The following NEK7 variants were observed in gnomAD, a reference collection of about 807,000 sequenced individuals.
NEK7 encodes serine/threonine-protein kinase Nek7.
In NEK7, 18 loss-of-function variants were observed where a neutral mutation model predicts 44.6. The ratio of observed to expected loss-of-function variants is 0.40; its 90% CI spans 0.28 to 0.60. The LOEUF is 0.60. Ranked by LOEUF, NEK7 falls within the 20% of genes least tolerant of loss-of-function variation. The pLI, the probability that NEK7 is intolerant of heterozygous loss-of-function variation, is 0.38. For missense variants in NEK7, 256 were observed against 366.5 expected, an observed-to-expected ratio of 0.70 and a Z score of 2.46; for synonymous variants, 130 against 121.1, an observed-to-expected ratio of 1.07 and a Z score of -0.48.
At chr1:198,263,524 A>G (rs73080757) in intron 4 of NEK7, among the ~76,000 whole-genome samples, 3,544 of 152,048 alleles carry the variant, frequency 0.023, 59 homozygotes, top group African/African-American at 0.048. Flanking sequence ...AGATTGAACA[A>G]AAGGATTGCA....
chr1:198,225,754 C>G (rs1666202910), intron 1 of NEK7, among the ~76,000 whole-genome samples: 1 of 152,060 alleles, frequency 6.6e-6, no homozygotes, highest in Non-Finnish European at 1.5e-5. Flanking sequence ...GTGTTCTTTC[C>G]TCTTCTCAGA....
chr1:198,271,920 T>TAC (rs569767811), intron 5 of NEK7, among the ~76,000 whole-genome samples: 14,369 of 145,012 alleles, frequency 0.099, 1,062 homozygotes, highest in African/African-American at 0.2. Context: ...TATATATATA[T>TAC]ATATACACAC....
intron 1 of NEK7, among the ~76,000 whole-genome samples, chr1:198,205,434 CA>C (rs1270233865): frequency 6.6e-6 from 1 of 152,068 alleles, no homozygotes; most frequent in Non-Finnish European, 1.5e-5. Flanking sequence ...TAATCATAAT[CA>C]GGGGTGGAGG....
Position 198,278,955 on chromosome 1 carries a change from TATAAAACCAGC to T in NEK7, c.484_494del (p.Ile162Ter). The T allele has an allele frequency of 1.3e-6, 2 of 1,571,656 alleles. No homozygotes were observed. Among genetic ancestry groups the T allele is most frequent in the Non-Finnish European group, 1.7e-6 (2 of 1,144,032 alleles). On this transcript the variant is annotated frameshift_variant and splice_region_variant, in exon 7 of 10. Transcript: ENST00000367385. LOFTEE classifies it high-confidence loss of function. ...CCTGATCCCTTCATTTATTCACAGA[TATAAAACCAGC>T]TAATGTGTTCATTACAGCCACTGGG...
At chr1:198,164,472 C>T (rs942592775) in intron 1 of NEK7, among the ~76,000 whole-genome samples, 2 of 152,164 alleles carry the variant, frequency 1.3e-5, no homozygotes, top group African/African-American at 4.8e-5. Context: ...ATTGCAGGTT[C>T]TAGTCTAGAC....
chr1:198,164,555 T>C (rs1402308225), intron 1 of NEK7, among the ~76,000 whole-genome samples: 1 of 152,182 alleles, frequency 6.6e-6, no homozygotes, highest in African/African-American at 2.4e-5. Flanking sequence ...ATATGGGAGT[T>C]AGAGTTACAC....
chr1:198,303,909 TTAACAG>T (rs1306594702), intron 9 of NEK7, among the ~76,000 whole-genome samples: 1 of 152,130 alleles, frequency 6.6e-6, no homozygotes. Flanking sequence ...TTTATTAAAA[TTAACAG>T]TATTATCTCA....
chr1:198,291,559 A>G (rs556278337), intron 7 of NEK7, among the ~76,000 whole-genome samples: 26 of 152,216 alleles, frequency 1.7e-4, no homozygotes, highest in Admixed American at 1.4e-3. Flanking sequence ...TAAATAATTT[A>G]TGTCTTAAAG....
chr1:198,263,888 T>G (rs1028073624), intron 4 of NEK7, among the ~76,000 whole-genome samples: 3 of 152,000 alleles, frequency 2.0e-5, no homozygotes, highest in Non-Finnish European at 4.4e-5. Context: ...AATTAAGATT[T>G]AAACGTAAAA....
chr1:198,251,938 G>A (rs548186278), intron 2 of NEK7, among the ~76,000 whole-genome samples: 1 of 152,164 alleles, frequency 6.6e-6, no homozygotes, highest in Admixed American at 6.5e-5. Flanking sequence ...GTTTGCTTTT[G>A]CTTTTCTAGT....
chr1:198,163,107 A>G (rs1469052369), intron 1 of NEK7, among the ~76,000 whole-genome samples: 1 of 152,294 alleles, frequency 6.6e-6, no homozygotes, highest in Admixed American at 6.5e-5. Flanking sequence ...GAAAAGTTGA[A>G]TAGATGTGTT....
intron 1 of NEK7, among the ~76,000 whole-genome samples, chr1:198,226,683 G>A (rs1666236931): frequency 6.6e-6 from 1 of 151,844 alleles, no homozygotes; most frequent in African/African-American, 2.4e-5. Flanking sequence ...GCTTGTTATA[G>A]CCTTTTGCTC....
chr1:198,180,280 A>G (rs1303047524), intron 1 of NEK7, among the ~76,000 whole-genome samples: 1 of 152,048 alleles, frequency 6.6e-6, no homozygotes, highest in Non-Finnish European at 1.5e-5. Flanking sequence ...AAATTAATCA[A>G]TAACGAAGTA....
chr1:198,259,860 T>G (rs1169528608), intron 3 of NEK7, among the ~76,000 whole-genome samples: 1 of 152,128 alleles, frequency 6.6e-6, no homozygotes, highest in Non-Finnish European at 1.5e-5. Flanking sequence ...TACGCATTCC[T>G]GCTTATATAA....
At chr1:198,187,517 G>A (rs1012090859) in intron 1 of NEK7, among the ~76,000 whole-genome samples, 5 of 152,130 alleles carry the variant, frequency 3.3e-5, no homozygotes, top group African/African-American at 1.2e-4. Flanking sequence ...TTGGAACCTG[G>A]AGATAAACTG....
At chr1:198,165,625 A>T (rs1664241417) in intron 1 of NEK7, among the ~76,000 whole-genome samples, 1 of 152,182 alleles carries the variant, frequency 6.6e-6, no homozygotes, top group Non-Finnish European at 1.5e-5. Flanking sequence ...GCTGTTGCCC[A>T]GGTTTTGTTT....
At chr1:198,209,604 T>G (rs190373678) in intron 1 of NEK7, among the ~76,000 whole-genome samples, 47 of 152,264 alleles carry the variant, frequency 3.1e-4, no homozygotes, top group African/African-American at 1.0e-3. Flanking sequence ...CACATTATAT[T>G]TCATACATTT....
intron 1 of NEK7, among the ~76,000 whole-genome samples, chr1:198,196,068 A>G (rs1665227794): frequency 6.6e-6 from 1 of 152,166 alleles, no homozygotes. Flanking sequence ...AAAGTTAATA[A>G]TTTATTAATT....
Position 198,256,494 on chromosome 1 carries a change from G to A in NEK7, c.198+3314G>A, listed in dbSNP as rs375010088. The A allele has an allele frequency of 2.2e-5, 35 of 1,573,510 alleles. No individual in the cohort carries two copies. The South Asian group carries it at 2.8e-4, about 13-fold the overall frequency. On this transcript the variant is annotated intron_variant, in intron 3 of 9. Coordinates refer to ENST00000367385, the MANE Select transcript of NEK7 (RefSeq NM_133494.3). ...GGTTCATTTGCAAAAAAATAAGATG[G>A]TACCTTAACTAATAAAACAATTTTG...
Sources: allele counts gnomAD v4.1 joint callset (sites outside exome capture counted in the v4.1 genomes callset), GRCh38; gene constraint gnomAD v4.1.1; transcripts MANE v1.5; gene names NCBI Gene and HGNC (gene_info 2026-07-23, HGNC 2026-07-21).